Variants in CAMK1D observed in about 807,000 individuals in gnomAD.
CAMK1D encodes the protein calcium/calmodulin-dependent protein kinase type 1D.
Under a neutral mutation model 47.7 loss-of-function variants are expected in CAMK1D, and 9 were observed. The ratio of observed to expected loss-of-function variants is 0.19; its 90% CI spans 0.11 to 0.33. The LOEUF (loss-of-function observed/expected upper bound fraction) is 0.33. CAMK1D is among the 10% of genes least tolerant of loss of function. CAMK1D has a pLI of 1.00. For missense variants in CAMK1D, 291 were observed against 488.7 expected (o/e 0.60, Z 3.81); for synonymous variants, 184 against 184.9 (o/e 0.99, Z 0.04).
intron 5 of CAMK1D, among the ~76,000 whole-genome samples, chr10:12,787,971 T>G (rs971299668): frequency 6.6e-6 from 1 of 151,320 alleles, no homozygotes; most frequent in African/African-American, 2.4e-5. Flanking sequence ...CTGCACTCCA[T>G]CTCCAAAAAA....
intron 5 of CAMK1D, among the ~76,000 whole-genome samples, chr10:12,786,717 T>C (rs1438458683): frequency 2.0e-5 from 3 of 152,224 alleles, no homozygotes; most frequent in Non-Finnish European, 4.4e-5. Flanking sequence ...CCACTACATG[T>C]AGCCCAGGAA....
intron 2 of CAMK1D, among the ~76,000 whole-genome samples, chr10:12,653,430 A>G (rs953442936): frequency 6.6e-6 from 1 of 152,220 alleles, no homozygotes; most frequent in African/African-American, 2.4e-5. Context: ...CACACATACA[A>G]TGAACCACAA....
At chr10:12,579,833 T>C (rs1837608869) in intron 2 of CAMK1D, among the ~76,000 whole-genome samples, 1 of 152,172 alleles carries the variant, frequency 6.6e-6, no homozygotes, top group South Asian at 2.1e-4. Context: ...AGGTCGGATC[T>C]CTTCTCTGGA....
intron 3 of CAMK1D, among the ~76,000 whole-genome samples, chr10:12,718,106 C>G (rs1324677711): frequency 6.6e-6 from 1 of 151,960 alleles, no homozygotes; most frequent in Non-Finnish European, 1.5e-5. Flanking sequence ...TTTTCTGACC[C>G]CTTACAAAGT....
At chr10:12,510,096 T>G (rs182412374) in intron 1 of CAMK1D, among the ~76,000 whole-genome samples, 91 of 152,330 alleles carry the variant, frequency 6.0e-4, no homozygotes, top group Non-Finnish European at 9.7e-4. Context: ...ATGTGCCCTG[T>G]GGGCCCTTAG....
chr10:12,631,995 C>G (rs1294809268), intron 2 of CAMK1D, among the ~76,000 whole-genome samples: 1 of 152,160 alleles, frequency 6.6e-6, no homozygotes, highest in Non-Finnish European at 1.5e-5. Flanking sequence ...GAACCGAGCT[C>G]TTAACGCACC....
chr10:12,682,215 A>G (rs1334689997), intron 3 of CAMK1D, among the ~76,000 whole-genome samples: 3 of 137,276 alleles, frequency 2.2e-5, no homozygotes, highest in Admixed American at 7.2e-5. Flanking sequence ...GTGAGACTCC[A>G]TCTCAAAAAC....
At chr10:12,613,948 A>G (rs1015584641) in intron 2 of CAMK1D, among the ~76,000 whole-genome samples, 1 of 152,240 alleles carries the variant, frequency 6.6e-6, no homozygotes, top group Non-Finnish European at 1.5e-5. Context: ...GTCTGACGGC[A>G]GAGGCTGTGT....
intron 1 of CAMK1D, among the ~76,000 whole-genome samples, chr10:12,481,752 C>T (rs779270170): frequency 1.3e-5 from 2 of 152,186 alleles, no homozygotes; most frequent in African/African-American, 2.4e-5. Context: ...TGGTGATCTG[C>T]CCGCCTTGGC....
At chr10:12,690,736 A>G (rs1484503425) in intron 3 of CAMK1D, among the ~76,000 whole-genome samples, 1 of 152,150 alleles carries the variant, frequency 6.6e-6, no homozygotes, top group African/African-American at 2.4e-5. Context: ...GAGTTGTTGC[A>G]GGACTGCGTG....
At chr10:12,668,135 T>A (rs914195222) in intron 3 of CAMK1D, among the ~76,000 whole-genome samples, 1 of 152,232 alleles carries the variant, frequency 6.6e-6, no homozygotes, top group African/African-American at 2.4e-5. Context: ...TTCTGGTTTT[T>A]CCTAGAGAGA....
rs182136459 is a variant in CAMK1D, at chr10:12,524,489, C to T, written c.93-28736C>T. On this transcript the variant is annotated intron_variant, in intron 1 of 10. Transcript: ENST00000619168. Reference sequence around the variant, plus strand: ...TTGGGAGGCTGAGGCGGGCGGATCACGAGGTCAGGAGACCGAGACCATCCT... The same window carrying T: ...TTGGGAGGCTGAGGCGGGCGGATCATGAGGTCAGGAGACCGAGACCATCCT... Among the ~76,000 whole-genome samples the T allele has an allele frequency of 7.4e-3, 1,129 of 151,996 alleles. 30 individuals are homozygous for T. Among genetic ancestry groups the T allele is most frequent in the East Asian group, 0.046 (236 of 5,104 alleles).
intron 1 of CAMK1D, among the ~76,000 whole-genome samples, chr10:12,414,815 G>A (rs189122314): frequency 1.2e-3 from 188 of 152,250 alleles, no homozygotes; most frequent in African/African-American, 4.3e-3. Flanking sequence ...TTCTCCATTT[G>A]GCTTGGCCTG....
chr10:12,354,057 T>C (rs1837427080), intron 1 of CAMK1D, among the ~76,000 whole-genome samples: 1 of 152,138 alleles, frequency 6.6e-6, no homozygotes, highest in Non-Finnish European at 1.5e-5. Flanking sequence ...GTGAAATGTA[T>C]GTGAATGGAA....
chr10:12,796,850 T>C (rs1588939974), intron 6 of CAMK1D, among the ~76,000 whole-genome samples: 1 of 152,208 alleles, frequency 6.6e-6, no homozygotes, highest in Non-Finnish European at 1.5e-5. Context: ...ATTCATCTTG[T>C]TCAGACATCT....
At chr10:12,697,455 A>G (rs1213988219) in intron 3 of CAMK1D, among the ~76,000 whole-genome samples, 2 of 152,100 alleles carry the variant, frequency 1.3e-5, no homozygotes, top group South Asian at 2.1e-4. Context: ...CTGGAGTGCA[A>G]TGGCTCAATC....
intron 1 of CAMK1D, among the ~76,000 whole-genome samples, chr10:12,551,843 C>A (rs1389073633): frequency 6.6e-6 from 1 of 152,218 alleles, no homozygotes; most frequent in African/African-American, 2.4e-5. Context: ...GAAGCTGGTC[C>A]CTGATGCCAA....
intron 2 of CAMK1D, among the ~76,000 whole-genome samples, chr10:12,601,753 T>G (rs1024990482): frequency 1.9e-4 from 29 of 152,210 alleles, no homozygotes; most frequent in Non-Finnish European, 1.5e-5. Flanking sequence ...TGAGCCATCG[T>G]GCCCAGCCTC....
At chr10:12,543,295 C>T (rs777617882) in intron 1 of CAMK1D, among the ~76,000 whole-genome samples, 27 of 152,194 alleles carry the variant, frequency 1.8e-4, no homozygotes, top group South Asian at 1.0e-3. Context: ...GTGATCTAAC[C>T]GCCTTGGCCT....
Sources: allele counts gnomAD v4.1 joint callset (sites outside exome capture counted in the v4.1 genomes callset), GRCh38; gene constraint gnomAD v4.1.1; transcripts MANE v1.5; gene names NCBI Gene and HGNC (gene_info 2026-07-23, HGNC 2026-07-21).